Variants in CACNA1D observed in about 807,000 individuals in gnomAD.
CACNA1D encodes calcium voltage-gated channel subunit alpha1 D, also known as voltage-dependent L-type calcium channel subunit alpha-1D.
Under a neutral mutation model 257.1 loss-of-function variants are expected in CACNA1D, and 55 were observed. The ratio of observed to expected loss-of-function variants is 0.21; its 90% CI spans 0.17 to 0.27. CACNA1D has a LOEUF of 0.27. Ranked by LOEUF, CACNA1D falls within the 10% of genes least tolerant of loss-of-function variation. CACNA1D has a pLI of 1.00. For missense variants in CACNA1D, 1,876 were observed against 2,784.0 expected, an observed-to-expected ratio of 0.67 and a Z score of 7.34; for synonymous variants, 980 against 1,014.9, an observed-to-expected ratio of 0.97 and a Z score of 0.65.
At chr3:53,675,226 C>T (rs2094363458) in intron 8 of CACNA1D, among the ~76,000 whole-genome samples, 1 of 152,208 alleles carries the variant, frequency 6.6e-6, no homozygotes, top group Non-Finnish European at 1.5e-5. Context: ...GCCTGAGCCG[C>T]CTCCTGTAGA....
intron 3 of CACNA1D, among the ~76,000 whole-genome samples, chr3:53,594,135 G>T (rs986669681): frequency 6.6e-6 from 1 of 152,178 alleles, no homozygotes; most frequent in Admixed American, 6.5e-5. Flanking sequence ...AATGGGAGAC[G>T]CCCTTGAACA....
At chr3:53,580,464 A>T (rs774642499) in intron 3 of CACNA1D, among the ~76,000 whole-genome samples, 3 of 152,232 alleles carry the variant, frequency 2.0e-5, no homozygotes, top group African/African-American at 7.2e-5. Flanking sequence ...CATCGTACCA[A>T]GTATCTTGCC....
At chr3:53,610,984 A>C (rs112833246) in intron 3 of CACNA1D, among the ~76,000 whole-genome samples, 18 of 152,236 alleles carry the variant, frequency 1.2e-4, no homozygotes, top group African/African-American at 4.3e-4. Flanking sequence ...TTTTACTCTC[A>C]TTTGGGAAGA....
intron 8 of CACNA1D, among the ~76,000 whole-genome samples, chr3:53,695,890 C>G (rs1559529340): frequency 6.6e-6 from 1 of 152,138 alleles, no homozygotes; most frequent in African/African-American, 2.4e-5. Flanking sequence ...TACAGAGAAG[C>G]AATCCAGGTT....
intron 3 of CACNA1D, among the ~76,000 whole-genome samples, chr3:53,592,698 C>G (rs958422593): frequency 1.3e-5 from 2 of 151,390 alleles, no homozygotes; most frequent in Non-Finnish European, 2.9e-5. Context: ...CAGGGCCTGA[C>G]CCTAGTTCTG....
At chr3:53,712,262 G>GT (rs1224772205) in intron 9 of CACNA1D, among the ~76,000 whole-genome samples, 1 of 152,222 alleles carries the variant, frequency 6.6e-6, no homozygotes, top group Non-Finnish European at 1.5e-5. Context: ...TTTATTTTGA[G>GT]TGGGAATGGC....
chr3:53,735,223 G>T (rs2095045767), intron 19 of CACNA1D, 151 bp from the exon 20 acceptor site: 1 of 800,298 alleles, frequency 1.2e-6, no homozygotes. Context: ...TGACGGACAG[G>T]TTGCTCAGGT....
At chr3:53,651,273 A>G (rs550942906) in intron 4 of CACNA1D, among the ~76,000 whole-genome samples, 7 of 152,056 alleles carry the variant, frequency 4.6e-5, no homozygotes, top group African/African-American at 1.7e-4. Context: ...ACTTAGTGCC[A>G]ATGTTAAGTT....
chr3:53,499,857 C>T (rs2090515403), intron 2 of CACNA1D, among the ~76,000 whole-genome samples: 1 of 151,778 alleles, frequency 6.6e-6, no homozygotes, highest in Non-Finnish European at 1.5e-5. Context: ...CAGTGGGGAC[C>T]TACAAAAAGG....
chr3:53,768,624 T>A (rs187837024), intron 30 of CACNA1D, among the ~76,000 whole-genome samples: 344 of 152,344 alleles, frequency 2.3e-3, no homozygotes, highest in Non-Finnish European at 4.1e-3. Context: ...GTTCCCATTC[T>A]GAGCATCCCA....
intron 37 of CACNA1D, among the ~76,000 whole-genome samples, chr3:53,779,152 A>G (rs1319617902): frequency 2.0e-5 from 3 of 152,164 alleles, no homozygotes; most frequent in Non-Finnish European, 2.9e-5. Flanking sequence ...ATAACAAAAC[A>G]AAAACAATGT....
chr3:53,619,182 C>T (rs111782418), intron 3 of CACNA1D, among the ~76,000 whole-genome samples: 7,361 of 152,282 alleles, frequency 0.048, 587 homozygotes, highest in African/African-American at 0.17. Flanking sequence ...TTCCCAACCC[C>T]GCACTCCCAA....
intron 3 of CACNA1D, among the ~76,000 whole-genome samples, chr3:53,564,669 T>G (rs910437692): frequency 6.6e-6 from 1 of 152,236 alleles, no homozygotes; most frequent in African/African-American, 2.4e-5. Context: ...TGGAGTACTT[T>G]GTATATCCTA....
chr3:53,504,289 G>A (rs2090731222), intron 3 of CACNA1D, among the ~76,000 whole-genome samples: 1 of 152,012 alleles, frequency 6.6e-6, no homozygotes, highest in Non-Finnish European at 1.5e-5. Flanking sequence ...ATGCAGTTGA[G>A]CGATAGAGTG....
chr3:53,710,713 CA>C (rs35006733), intron 9 of CACNA1D, among the ~76,000 whole-genome samples: 1 of 151,992 alleles, frequency 6.6e-6, no homozygotes, highest in Non-Finnish European at 1.5e-5. Context: ...TGAACCAACT[CA>C]AAAAATGTAC....
intron 3 of CACNA1D, among the ~76,000 whole-genome samples, chr3:53,525,914 G>T (rs1267948863): frequency 2.0e-5 from 3 of 152,176 alleles, no homozygotes; most frequent in Non-Finnish European, 2.9e-5. Flanking sequence ...GCGCTCAAAT[G>T]ATGTCACCAG....
chr3:53,518,812 G>A (rs889516366), intron 3 of CACNA1D, among the ~76,000 whole-genome samples: 7 of 152,132 alleles, frequency 4.6e-5, no homozygotes, highest in Non-Finnish European at 7.3e-5. Flanking sequence ...AAGGTCTTAC[G>A]TTGAGGAATG....
chr3:53,515,923 C>T (rs1228339398), intron 3 of CACNA1D, among the ~76,000 whole-genome samples: 1 of 152,288 alleles, frequency 6.6e-6, no homozygotes, highest in East Asian at 1.9e-4. Context: ...TGCTCTGGCT[C>T]TCTCTCTCTT....
intron 3 of CACNA1D, among the ~76,000 whole-genome samples, chr3:53,551,314 G>A (rs888667818): frequency 1.3e-5 from 2 of 152,218 alleles, no homozygotes; most frequent in African/African-American, 4.8e-5. Context: ...GCAGGTTTAA[G>A]GTCAGGTTCC....
Sources: allele counts gnomAD v4.1 joint callset (sites outside exome capture counted in the v4.1 genomes callset), GRCh38; gene constraint gnomAD v4.1.1; transcripts MANE v1.5; gene names NCBI Gene and HGNC (gene_info 2026-07-23, HGNC 2026-07-21).